Variants in ROBO1 observed in about 807,000 individuals in gnomAD.
ROBO1 encodes roundabout homolog 1.
ROBO1 carries 149 observed loss-of-function variants against 195.9 expected under a neutral mutation model. The ratio of observed to expected loss-of-function variants is 0.76; its 90% CI spans 0.67 to 0.87. The LOEUF is 0.87. Ranked by LOEUF, ROBO1 falls within the 40% of genes least tolerant of loss-of-function variation. The probability of loss-of-function intolerance (pLI) is 0.00; values close to 1 mark genes in which losing one functional copy is unlikely to be tolerated. For synonymous variants in ROBO1, 816 were observed against 733.2 expected (o/e 1.11, Z -1.82); for missense variants, 1,933 against 2,068.3 (o/e 0.93, Z 1.27).
At chr3:78,675,041 T>C (rs1209321498) in intron 10 of ROBO1, among the ~76,000 whole-genome samples, 1 of 152,112 alleles carries the variant, frequency 6.6e-6, no homozygotes, top group Admixed American at 6.5e-5. Context: ...AGTACATGTA[T>C]AATACGTATC....
At chr3:78,616,635 A>G (rs1704130549) in intron 27 of ROBO1, among the ~76,000 whole-genome samples, 1 of 152,120 alleles carries the variant, frequency 6.6e-6, no homozygotes. Flanking sequence ...GAAAAATAAA[A>G]CAGTAAAATA....
chr3:79,555,993 T>C (rs74742934), intron 2 of ROBO1, among the ~76,000 whole-genome samples: 356 of 152,272 alleles, frequency 2.3e-3, no homozygotes, highest in African/African-American at 8.2e-3. Flanking sequence ...TGCTTCTTTG[T>C]TATATAATTC....
At chr3:78,688,316 T>C (rs914626639) in intron 9 of ROBO1, among the ~76,000 whole-genome samples, 1 of 152,208 alleles carries the variant, frequency 6.6e-6, no homozygotes, top group Non-Finnish European at 1.5e-5. Context: ...CTTTAATATA[T>C]AATTCCAGAT....
intron 1 of ROBO1, among the ~76,000 whole-genome samples, chr3:79,628,229 A>G (rs1487686872): frequency 6.6e-6 from 1 of 152,200 alleles, no homozygotes; most frequent in Non-Finnish European, 1.5e-5. Flanking sequence ...GACTTGGAAC[A>G]AACCCAAATG....
chr3:78,646,112 T>C, intron 21 of ROBO1, 36 bp downstream of exon 21: 1 of 1,573,974 alleles, frequency 6.4e-7, no homozygotes, highest in Non-Finnish European at 8.7e-7. Flanking sequence ...TATTTGGAAT[T>C]CCCTGTAGGA....
chr3:78,723,922 G>A (rs1018835440), intron 5 of ROBO1, among the ~76,000 whole-genome samples: 2 of 152,030 alleles, frequency 1.3e-5, no homozygotes, highest in African/African-American at 4.8e-5. Context: ...ATACTCTCCC[G>A]CATAAATTTC....
Position 79,042,752 on chromosome 3 carries a change from T to G in ROBO1, c.172+82704A>C, listed in dbSNP as rs2078512278. Among the ~76,000 whole-genome samples, 3 of 152,132 alleles carry G rather than the reference T, an allele frequency of 2.0e-5. No homozygotes were observed. In the South Asian group the frequency reaches 6.2e-4, roughly 31 times the overall value. On this transcript the variant is annotated intron_variant, in intron 3 of 30. Transcript: ENST00000464233. Reference sequence around the variant, plus strand: ...TAATTATTTTTATCTATGATCTAATTTAGACGATAGATGATTCCTAAAATG... The same window carrying G: ...TAATTATTTTTATCTATGATCTAATGTAGACGATAGATGATTCCTAAAATG...
intron 4 of ROBO1, among the ~76,000 whole-genome samples, chr3:78,789,581 C>T (rs906937696): frequency 1.3e-5 from 2 of 152,068 alleles, no homozygotes; most frequent in African/African-American, 4.8e-5. Context: ...GTTCTGTTTT[C>T]CCTACATGTT....
chr3:79,305,951 G>A (rs1329050814), intron 2 of ROBO1, among the ~76,000 whole-genome samples: 1 of 152,156 alleles, frequency 6.6e-6, no homozygotes, highest in African/African-American at 2.4e-5. Flanking sequence ...GCCATGGAAA[G>A]AGAGTGTTAA....
intron 2 of ROBO1, among the ~76,000 whole-genome samples, chr3:79,204,250 A>C (rs1308679471): frequency 6.6e-6 from 1 of 152,090 alleles, no homozygotes; most frequent in African/African-American, 2.4e-5. Flanking sequence ...AGTTATTTTG[A>C]AATATCTTAT....
intron 2 of ROBO1, among the ~76,000 whole-genome samples, chr3:79,214,096 G>A (rs2082012984): frequency 6.6e-6 from 1 of 151,858 alleles, no homozygotes; most frequent in Admixed American, 6.6e-5. Context: ...AAAGTGCTGG[G>A]ATTACTCTCC....
At chr3:78,727,016 T>C (rs981780182) in intron 5 of ROBO1, among the ~76,000 whole-genome samples, 5 of 152,180 alleles carry the variant, frequency 3.3e-5, no homozygotes, top group African/African-American at 1.2e-4. Context: ...AATATCAGCC[T>C]TTAATGTTAG....
At chr3:79,351,116 G>A (rs1434450138) in intron 2 of ROBO1, among the ~76,000 whole-genome samples, 1 of 152,090 alleles carries the variant, frequency 6.6e-6, no homozygotes, top group Non-Finnish European at 1.5e-5. Context: ...CAAGGTATAT[G>A]AATTACATAT....
intron 25 of ROBO1, 48 bp from the exon 26 acceptor site, chr3:78,627,617 T>C (rs751070968): frequency 5.9e-6 from 9 of 1,538,054 alleles, no homozygotes; most frequent in Non-Finnish European, 7.9e-6. Context: ...GTTATTCAAA[T>C]AAACTATTTG....
intron 2 of ROBO1, among the ~76,000 whole-genome samples, chr3:79,343,752 G>T (rs2035000180): frequency 6.6e-6 from 1 of 152,092 alleles, no homozygotes; most frequent in Non-Finnish European, 1.5e-5. Context: ...AGGAAGAACA[G>T]CAAACAAAGA....
chr3:78,926,158 C>T (rs560180769), intron 4 of ROBO1, among the ~76,000 whole-genome samples: 15 of 152,214 alleles, frequency 9.9e-5, no homozygotes, highest in African/African-American at 3.6e-4. Flanking sequence ...CGTGAGCCAC[C>T]ACACCCAGCC....
At chr3:79,706,815 C>T (rs1047918513) in intron 1 of ROBO1, among the ~76,000 whole-genome samples, 2 of 152,054 alleles carry the variant, frequency 1.3e-5, no homozygotes, top group African/African-American at 4.8e-5. Context: ...GTAAATTGCC[C>T]AGTCTCAGGT....
At chr3:79,499,967 C>T (rs568084217) in intron 2 of ROBO1, among the ~76,000 whole-genome samples, 1 of 151,638 alleles carries the variant, frequency 6.6e-6, no homozygotes, top group Non-Finnish European at 1.5e-5. Context: ...CCAGTATGCC[C>T]GGGTAATTTT....
chr3:79,158,661 A>C (rs2080900762), intron 2 of ROBO1, among the ~76,000 whole-genome samples: 1 of 151,808 alleles, frequency 6.6e-6, no homozygotes, highest in African/African-American at 2.4e-5. Flanking sequence ...TCAAGATAAT[A>C]AACACCTGTC....
Sources: allele counts gnomAD v4.1 joint callset (sites outside exome capture counted in the v4.1 genomes callset), GRCh38; gene constraint gnomAD v4.1.1; transcripts MANE v1.5; gene names NCBI Gene and HGNC (gene_info 2026-07-23, HGNC 2026-07-21).